Variants in FSHR observed in about 807,000 individuals in gnomAD.
FSHR encodes follicle-stimulating hormone receptor.
A neutral mutation model predicts 52.1 loss-of-function variants in FSHR; 46 were observed. That is an observed-to-expected ratio of 0.88 (90% CI 0.70 to 1.13). FSHR has a LOEUF of 1.13. FSHR is among the 50% of genes most tolerant of loss of function. The probability of loss-of-function intolerance (pLI) is 0.00; values close to 1 mark genes in which losing one functional copy is unlikely to be tolerated. For synonymous variants in FSHR, 399 were observed against 309.6 expected (o/e 1.29, Z -3.03); for missense variants, 964 against 834.6 (o/e 1.16, Z -1.91).
At chr2:49,131,355 T>C (rs1458820333) in intron 1 of FSHR, among the ~76,000 whole-genome samples, 2 of 152,170 alleles carry the variant, frequency 1.3e-5, no homozygotes, top group Non-Finnish European at 2.9e-5. Context: ...TTTAAGTAAG[T>C]CAGAAACATA....
chr2:49,129,678 C>T (rs1471860922), intron 1 of FSHR, among the ~76,000 whole-genome samples: 2 of 152,078 alleles, frequency 1.3e-5, no homozygotes, highest in Non-Finnish European at 2.9e-5. Flanking sequence ...TGAACATTTT[C>T]AACATTATAG....
chr2:49,041,239 G>T (rs1254558914), intron 2 of FSHR, among the ~76,000 whole-genome samples: 1 of 152,152 alleles, frequency 6.6e-6, no homozygotes, highest in East Asian at 1.9e-4. Flanking sequence ...CCGTGAATAT[G>T]TATTTGAGTA....
At chr2:49,144,952 C>T (rs565293459) in intron 1 of FSHR, among the ~76,000 whole-genome samples, 1 of 152,244 alleles carries the variant, frequency 6.6e-6, no homozygotes, top group African/African-American at 2.4e-5. Flanking sequence ...CTGTCCCCCT[C>T]ATGCCAAAGC....
intron 2 of FSHR, among the ~76,000 whole-genome samples, chr2:49,065,217 C>A (rs1403629437): frequency 6.6e-6 from 1 of 152,032 alleles, no homozygotes; most frequent in Non-Finnish European, 1.5e-5. Context: ...TGACTTAAGT[C>A]TGCAGCGAGG....
chr2:49,070,520 C>T (rs1452390897), intron 1 of FSHR, among the ~76,000 whole-genome samples: 1 of 152,192 alleles, frequency 6.6e-6, no homozygotes, highest in East Asian at 1.9e-4. Context: ...TTGTTTTAAA[C>T]TACGCAACAC....
At chr2:48,997,492 A>T (rs1425543134) in intron 4 of FSHR, among the ~76,000 whole-genome samples, 27 of 151,470 alleles carry the variant, frequency 1.8e-4, no homozygotes, top group African/African-American at 6.6e-4. Context: ...CAGGGCATGT[A>T]GCATAGCTTC....
intron 9 of FSHR, 114 bp from the exon 10 acceptor site, chr2:48,964,080 T>C (rs1003497991): frequency 2.3e-5 from 22 of 975,122 alleles, no homozygotes; most frequent in Non-Finnish European, 3.1e-5. Flanking sequence ...TTTTTTTTTT[T>C]CTTCTCACAT....
intron 1 of FSHR, among the ~76,000 whole-genome samples, chr2:49,126,915 T>C (rs985210716): frequency 1.3e-5 from 2 of 152,166 alleles, no homozygotes; most frequent in South Asian, 4.1e-4. Flanking sequence ...CCTAAATTCA[T>C]CAGACAGAAA....
At chr2:49,140,717 A>G (rs74373094) in intron 1 of FSHR, among the ~76,000 whole-genome samples, 6,252 of 150,522 alleles carry the variant, frequency 0.042, 189 homozygotes, top group Non-Finnish European at 0.064. Flanking sequence ...AAAAGAGAGA[A>G]AAAAAAAAAG....
chr2:48,969,360 G>A (rs535443852), intron 8 of FSHR, among the ~76,000 whole-genome samples: 3 of 152,356 alleles, frequency 2.0e-5, no homozygotes, highest in East Asian at 3.9e-4. Flanking sequence ...AGAGGAAGAA[G>A]AGTCTGGCAG....
intron 1 of FSHR, among the ~76,000 whole-genome samples, chr2:49,082,288 G>A (rs1332378551): frequency 6.6e-6 from 1 of 152,158 alleles, no homozygotes; most frequent in Non-Finnish European, 1.5e-5. Context: ...TGAGGGTCCT[G>A]TCTGTTAGAA....
intron 9 of FSHR, among the ~76,000 whole-genome samples, chr2:48,966,922 C>G (rs1259520800): frequency 6.6e-6 from 1 of 152,120 alleles, no homozygotes; most frequent in Non-Finnish European, 1.5e-5. Context: ...CTGGAGGGAT[C>G]AGAGAAGACC....
At chr2:49,009,288 T>G (rs1286622239) in intron 4 of FSHR, among the ~76,000 whole-genome samples, 2 of 151,260 alleles carry the variant, frequency 1.3e-5, no homozygotes, top group Non-Finnish European at 3.0e-5. Flanking sequence ...TAGGGAATCC[T>G]TTCCCCATTG....
At chr2:48,966,369 A>T (rs184435788) in intron 9 of FSHR, among the ~76,000 whole-genome samples, 70 of 152,350 alleles carry the variant, frequency 4.6e-4, no homozygotes, top group East Asian at 2.5e-3. Flanking sequence ...TATTGTATTT[A>T]ACATTAAAAA....
At chr2:49,037,839 G>A (rs1309532884) in intron 2 of FSHR, among the ~76,000 whole-genome samples, 1 of 152,078 alleles carries the variant, frequency 6.6e-6, no homozygotes, top group Non-Finnish European at 1.5e-5. Flanking sequence ...TCCAGAAAGA[G>A]AAAATGATGA....
At chr2:49,087,069 G>GGTTTT (rs1472153702) in intron 1 of FSHR, among the ~76,000 whole-genome samples, 2 of 66,454 alleles carry the variant, frequency 3.0e-5, no homozygotes, top group East Asian at 5.7e-4. Context: ...CTGTGGGCAG[G>GGTTTT]GTTTTTTTTT....
At chr2:49,124,016 G>A (rs551830802) in intron 1 of FSHR, among the ~76,000 whole-genome samples, 79 of 150,792 alleles carry the variant, frequency 5.2e-4, no homozygotes, top group Middle Eastern at 3.4e-3. Context: ...ACGGAATTTC[G>A]CTCTATCACC....
rs17038322 is a variant in FSHR at position 49,139,303 on chromosome 2, A to C, written c.152+14963T>G. Reference sequence around the variant, plus strand: ...GTGTATATGGAGACCCATTTGCCAAAGCCTATTTTCAGTTAGCTACATTTT... The same window carrying C: ...GTGTATATGGAGACCCATTTGCCAACGCCTATTTTCAGTTAGCTACATTTT... On this transcript the variant is annotated intron_variant, in intron 1 of 9. Coordinates refer to ENST00000406846, the MANE Select transcript of FSHR (RefSeq NM_000145.4). 7.1e-3 allele frequency among the ~76,000 whole-genome samples: 1,076 copies of C among 152,252 alleles called. 12 individuals carry two copies. Among genetic ancestry groups the C allele is most frequent in the Middle Eastern group, 0.027 (8 of 294 alleles).
At chr2:49,047,258 T>C (rs1668695127) in intron 2 of FSHR, among the ~76,000 whole-genome samples, 1 of 152,310 alleles carries the variant, frequency 6.6e-6, no homozygotes, top group South Asian at 2.1e-4. Context: ...AGAGGTTATA[T>C]GTACATGTGG....
Sources: allele counts gnomAD v4.1 joint callset (sites outside exome capture counted in the v4.1 genomes callset), GRCh38; gene constraint gnomAD v4.1.1; transcripts MANE v1.5; gene names NCBI Gene and HGNC (gene_info 2026-07-23, HGNC 2026-07-21).